PLCG2: variants seen among roughly 807,000 people sequenced by gnomAD.
PLCG2 encodes phospholipase C gamma 2.
A neutral mutation model predicts 175.6 loss-of-function variants in PLCG2; 69 were observed. The ratio of observed to expected loss-of-function variants is 0.39; its 90% CI spans 0.32 to 0.48. The LOEUF (loss-of-function observed/expected upper bound fraction) is 0.48, where lower values mean the gene tolerates loss of function less well. PLCG2 is among the 20% of genes least tolerant of loss of function. The pLI is 0.91. For missense variants in PLCG2, 1,798 were observed against 1,650.9 expected (o/e 1.09, Z -1.54); for synonymous variants, 827 against 624.0 (o/e 1.33, Z -4.85).
rs142288417 is a variant in PLCG2, at chr16:81,746,617, G to A, written c.-145+7232G>A. On this transcript the variant is annotated intron_variant, in intron 1 of 5. Coordinates refer to the PLCG2 transcript ENST00000565054. ...TCCAACCCTAACACCCAAGGAGGCA[G>A]AGAATAAGAGCAATATACACTTCTG... Among the ~76,000 whole-genome samples, 3 of 152,336 alleles carry A rather than the reference G, an allele frequency of 2.0e-5. No homozygotes were observed. The East Asian group carries it at 5.8e-4, about 29-fold the overall frequency.
intron 2 of PLCG2, among the ~76,000 whole-genome samples, chr16:81,763,429 T>A (rs919731531): frequency 1.3e-5 from 2 of 152,236 alleles, no homozygotes; most frequent in South Asian, 2.1e-4. Context: ...TGCAGGTGGA[T>A]GCCAACTTGG....
intron 9 of PLCG2, among the ~76,000 whole-genome samples, chr16:81,887,720 G>C (rs1249780267): frequency 6.6e-6 from 1 of 152,162 alleles, no homozygotes; most frequent in African/African-American, 2.4e-5. Context: ...GCTTCTATTA[G>C]TCATAAAGAT....
Position 81,858,461 on chromosome 16 carries a change from G to C in PLCG2, c.431+105G>C, listed in dbSNP as rs927332560. On this transcript the variant is annotated intron_variant, in intron 4 of 32. Coordinates refer to ENST00000564138, the MANE Select transcript of PLCG2 (RefSeq NM_002661.5). ...GGGAAAAAAAAAAAAAGGGACATTG[G>C]TTTTTTGAGGCTCGTTGAGTGTCTT... 6.8e-5 allele frequency: 55 copies of C among 814,008 alleles called. No individual in the cohort carries two copies. The South Asian group carries it at 7.5e-4, about 11-fold the overall frequency. The allele number at this position is 814,008 out of a possible 1,614,324, so 50.4% of individuals were successfully genotyped here. A position where few individuals can be genotyped will look rare whatever the true frequency, so the allele number is the denominator to read the frequency against.
At chr16:81,834,205 G>A (rs2038217048) in intron 2 of PLCG2, among the ~76,000 whole-genome samples, 1 of 152,146 alleles carries the variant, frequency 6.6e-6, no homozygotes, top group African/African-American at 2.4e-5. Flanking sequence ...ATTGGTGGGA[G>A]GATTAAAGAG....
intron 10 of PLCG2, 154 bp downstream of exon 10, chr16:81,889,427 C>T (rs1276341782): frequency 1.7e-6 from 1 of 577,664 alleles, no homozygotes; most frequent in Non-Finnish European, 3.1e-6. Context: ...CTTTTCTTTT[C>T]TTTTCTTTTT....
At chr16:81,812,755 A>G (rs866090834) in intron 2 of PLCG2, among the ~76,000 whole-genome samples, 2 of 152,134 alleles carry the variant, frequency 1.3e-5, no homozygotes, top group East Asian at 1.9e-4. Flanking sequence ...GCCCATGCCT[A>G]TGTCCTGAAT....
At chr16:81,828,624 G>A (rs1905139435) in intron 2 of PLCG2, among the ~76,000 whole-genome samples, 1 of 152,032 alleles carries the variant, frequency 6.6e-6, no homozygotes, top group African/African-American at 2.4e-5. Context: ...GAGTCCTTGC[G>A]GGTCAGCAGA....
In PLCG2 at chr16:81,903,199, A is replaced by G. The variant is rs938199769; in HGVS notation, c.1363-2204A>G. ...GGGGATGTCCTTCCAGGTTGGGACAATAGGACACACAAGGGTGTGGTGGTG... is the reference window on the plus strand; with the variant it reads ...GGGGATGTCCTTCCAGGTTGGGACAGTAGGACACACAAGGGTGTGGTGGTG... On this transcript the variant is annotated intron_variant, in intron 14 of 32. Coordinates refer to ENST00000564138, the MANE Select transcript of PLCG2 (RefSeq NM_002661.5). 2.6e-5 allele frequency among the ~76,000 whole-genome samples: 4 copies of G among 152,340 alleles called. No individual in the cohort carries two copies. In the South Asian group the frequency reaches 8.3e-4, roughly 32 times the overall value.
chr16:81,740,138 C>CAAAAAAAAAAAAAAAAAAAAAAAAAA (rs5818349), intron 1 of PLCG2: 3 of 88,728 alleles, frequency 3.4e-5, no homozygotes, highest in Non-Finnish European at 6.3e-5. Flanking sequence ...ACTCTGTCTC[C>CAAAAAAAAAAAAAAAAAAAAAAAAAA]AAAAAAAAAA....
chr16:81,916,582 T>A (rs1220104900), intron 19 of PLCG2, among the ~76,000 whole-genome samples: 1 of 124,622 alleles, frequency 8.0e-6, no homozygotes, highest in Non-Finnish European at 1.8e-5. Flanking sequence ...ACTTAACCAT[T>A]TTTTTTTTGT....
chr16:81,908,628 TC>T, intron 17 of PLCG2, 37 bp downstream of exon 17: 1 of 1,560,384 alleles, frequency 6.4e-7, no homozygotes, highest in Non-Finnish European at 8.7e-7. Context: ...TACCTTCTTC[TC>T]CATGCCAACC....
intron 2 of PLCG2, among the ~76,000 whole-genome samples, chr16:81,838,730 C>G (rs1192457666): frequency 6.6e-6 from 1 of 150,928 alleles, no homozygotes; most frequent in Non-Finnish European, 1.5e-5. Flanking sequence ...GCCTATGTAA[C>G]AAACCTGCAC....
intron 2 of PLCG2, among the ~76,000 whole-genome samples, chr16:81,789,352 C>T (rs1334175851): frequency 6.6e-6 from 1 of 152,198 alleles, no homozygotes; most frequent in East Asian, 1.9e-4. Context: ...GAGCAATGGC[C>T]TGATCATGGT....
intron 2 of PLCG2, among the ~76,000 whole-genome samples, chr16:81,792,671 A>G (rs1183963986): frequency 6.6e-6 from 1 of 152,076 alleles, no homozygotes; most frequent in Non-Finnish European, 1.5e-5. Context: ...CAGCAAGGAG[A>G]AGGAGAGCTG....
chr16:81,864,353 A>G (rs546000375), intron 5 of PLCG2, among the ~76,000 whole-genome samples: 92 of 152,382 alleles, frequency 6.0e-4, no homozygotes, highest in Non-Finnish European at 9.8e-4. Flanking sequence ...AAAATGAAAT[A>G]AAATACTTAG....
At chr16:81,796,510 G>T (rs1477486184) in intron 2 of PLCG2, among the ~76,000 whole-genome samples, 1 of 152,214 alleles carries the variant, frequency 6.6e-6, no homozygotes, top group Admixed American at 6.5e-5. Flanking sequence ...TGTGGGCAGT[G>T]GTGGGTGCCT....
chr16:81,847,732 C>G (rs979152852), intron 2 of PLCG2, among the ~76,000 whole-genome samples: 1 of 152,102 alleles, frequency 6.6e-6, no homozygotes, highest in South Asian at 2.1e-4. Context: ...ATTCCCTGAG[C>G]AATACAGTAT....
chr16:81,842,374 C>G (rs1905880682), intron 2 of PLCG2, among the ~76,000 whole-genome samples: 2 of 152,164 alleles, frequency 1.3e-5, no homozygotes, highest in Admixed American at 1.3e-4. Context: ...CTGGACAGGG[C>G]CTGTCCTCCC....
In PLCG2 at chr16:81,936,321, C is replaced by G; in HGVS notation, c.2995C>G (p.Pro999Ala). 1.9e-6 allele frequency: 3 copies of G among 1,614,192 alleles called. No homozygotes were observed. Among genetic ancestry groups the G allele is most frequent in the Non-Finnish European group, 1.7e-6 (2 of 1,180,032 alleles). The change falls in exon 27 of 33, where the codon CCC (proline) becomes GCC (alanine). Residue 999 changes from proline to alanine, a missense_variant. Transcript: ENST00000564138. ...GQRVDSSNYDPFRLWLCGSQM... is the reference protein window; with the variant it reads ...GQRVDSSNYDAFRLWLCGSQM... ...AAGAGTTGACTCTTCAAACTACGAC[C>G]CCTTCCGCCTCTGGCTGTGCGGTTC...
Sources: gnomAD v4.1 joint callset for allele counts (sites outside exome capture counted in the v4.1 genomes callset) on GRCh38, gnomAD v4.1.1 for gene constraint, MANE v1.5 for transcripts, NCBI Gene and HGNC (gene_info 2026-07-23, HGNC 2026-07-21) for gene names.